The following LITAF variants were observed in gnomAD, a reference collection of about 807,000 sequenced individuals.
LITAF encodes the protein lipopolysaccharide-induced tumor necrosis factor-alpha factor.
A neutral mutation model predicts 14.5 loss-of-function variants in LITAF; 9 were observed. The observed-to-expected ratio is 0.62, with a 90% CI of 0.37 to 1.08. The LOEUF (loss-of-function observed/expected upper bound fraction) is 1.08, where lower values mean the gene tolerates loss of function less well. Among genes scored for constraint, LITAF ranks in the 50% least tolerant of loss-of-function variants. The pLI is 0.01. For missense variants in LITAF, 206 were observed against 213.4 expected, an observed-to-expected ratio of 0.97 and a Z score of 0.22; for synonymous variants, 98 against 88.2, an observed-to-expected ratio of 1.11 and a Z score of -0.62.
chr16:11,618,602 A>G (rs960573784), intron 3 of LITAF, among the ~76,000 whole-genome samples: 2 of 152,182 alleles, frequency 1.3e-5, no homozygotes, highest in African/African-American at 4.8e-5. Flanking sequence ...CTCTCTGGCC[A>G]TGGAGCCACT....
intron 3 of LITAF, among the ~76,000 whole-genome samples, chr16:11,550,217 G>A (rs565391956): frequency 2.0e-4 from 31 of 152,348 alleles, no homozygotes; most frequent in African/African-American, 6.5e-4. Flanking sequence ...AGCCTCCTGA[G>A]TAGCTGGGAT....
At chr16:11,557,712 ATG>A (rs983442462) in intron 1 of LITAF, among the ~76,000 whole-genome samples, 7 of 152,146 alleles carry the variant, frequency 4.6e-5, no homozygotes, top group African/African-American at 1.7e-4. Context: ...TGGCTTCCCA[ATG>A]TGCTGGGATT....
chr16:11,617,979 T>C (rs2065028513), intron 3 of LITAF, among the ~76,000 whole-genome samples: 2 of 151,972 alleles, frequency 1.3e-5, no homozygotes, highest in African/African-American at 4.8e-5. Flanking sequence ...CAAACGATCC[T>C]CCCACCTCAG....
Position 11,548,069 on chromosome 16 carries a change from G to A in LITAF, c.*1568C>T, listed in dbSNP as rs948373358. 5.3e-5 allele frequency: 24 copies of A among 453,916 alleles called. No individual in the cohort carries two copies. Among genetic ancestry groups the A allele is most frequent in the African/African-American group, 3.2e-4 (16 of 49,966 alleles). The allele number at this position is 453,916 out of a possible 1,614,324, so 28.1% of individuals were successfully genotyped here. A position where few individuals can be genotyped will look rare whatever the true frequency, so the allele number is the denominator to read the frequency against. ...AAAGTACTATGTGGTATCCATATTCGTTGCAAAAATGATAATTACTGGAAT... is the reference window on the plus strand; with the variant it reads ...AAAGTACTATGTGGTATCCATATTCATTGCAAAAATGATAATTACTGGAAT... On this transcript the variant is annotated 3_prime_UTR_variant, in exon 4 of 4. Transcript: ENST00000622633.
chr16:11,608,761 G>A (rs538427479), intron 3 of LITAF, among the ~76,000 whole-genome samples: 33 of 152,208 alleles, frequency 2.2e-4, no homozygotes, highest in Non-Finnish European at 3.4e-4. Context: ...TCAGGAGTTC[G>A]AGACCAGCCT....
At chr16:11,579,256 C>G (rs1201244874) in intron 1 of LITAF, among the ~76,000 whole-genome samples, 1 of 151,728 alleles carries the variant, frequency 6.6e-6, no homozygotes, top group African/African-American at 2.4e-5. Context: ...TCGAGACCAT[C>G]CTGGCTAACA....
chr16:11,611,303 C>G (rs929701971), intron 3 of LITAF, among the ~76,000 whole-genome samples: 4 of 152,238 alleles, frequency 2.6e-5, no homozygotes, highest in East Asian at 3.9e-4. Context: ...CGATCACCCC[C>G]CTACACTCCA....
intron 3 of LITAF, among the ~76,000 whole-genome samples, chr16:11,612,328 G>C (rs1029942092): frequency 6.6e-6 from 1 of 152,198 alleles, no homozygotes; most frequent in African/African-American, 2.4e-5. Flanking sequence ...TGGCTGCACC[G>C]TCCTCATCAT....
chr16:11,567,832 A>C (rs985342245), intron 1 of LITAF, among the ~76,000 whole-genome samples: 1 of 152,162 alleles, frequency 6.6e-6, no homozygotes, highest in African/African-American at 2.4e-5. Flanking sequence ...AAATACACAA[A>C]AATTAGCCAG....
chr16:11,629,973 G>C (rs2141905335), intron 3 of LITAF, among the ~76,000 whole-genome samples: 4 of 152,326 alleles, frequency 2.6e-5, no homozygotes, highest in Admixed American at 2.6e-4. Flanking sequence ...CAGTCGCCAG[G>C]TGTTGGGGAG....
chr16:11,627,581 C>A (rs540599519), intron 3 of LITAF, among the ~76,000 whole-genome samples: 2 of 152,254 alleles, frequency 1.3e-5, no homozygotes, highest in Non-Finnish European at 2.9e-5. Context: ...TGGCGGCTCA[C>A]GCCTGTAATC....
chr16:11,613,711 G>T (rs9932278), intron 3 of LITAF, among the ~76,000 whole-genome samples: 1 of 152,054 alleles, frequency 6.6e-6, no homozygotes, highest in Non-Finnish European at 1.5e-5. Context: ...GAGCACAGCC[G>T]GACGGAGGGT....
Position 11,552,007 on chromosome 16 carries a change from A to G in LITAF, c.377+1526T>C, listed in dbSNP as rs1330300871. 2.6e-5 allele frequency among the ~76,000 whole-genome samples: 4 copies of G among 152,176 alleles called. No individual in the cohort carries two copies. In the East Asian group the frequency reaches 7.7e-4, roughly 29 times the overall value. On this transcript the variant is annotated intron_variant, in intron 3 of 3. Transcript: ENST00000622633. ...AAGAGGGGGAATCAGGTGCCCAGAAAGCTGTTTTGTCTCCTTCCTTCCTTA... is the reference window on the plus strand; with the variant it reads ...AAGAGGGGGAATCAGGTGCCCAGAAGGCTGTTTTGTCTCCTTCCTTCCTTA...
chr16:11,615,808 T>TC (rs1401304111), intron 3 of LITAF, among the ~76,000 whole-genome samples: 1 of 152,190 alleles, frequency 6.6e-6, no homozygotes, highest in African/African-American at 2.4e-5. Context: ...TGGACCCTCC[T>TC]CAGTGATTAG....
chr16:11,626,223 T>C (rs1224637618), intron 3 of LITAF, among the ~76,000 whole-genome samples: 2 of 152,162 alleles, frequency 1.3e-5, no homozygotes, highest in Admixed American at 1.3e-4. Flanking sequence ...GTCAGAGTCT[T>C]GCTGGAGTGC....
At position 11,558,011 on chromosome 16, in the gene LITAF, C is replaced by A. The variant is rs1291758601; in HGVS notation, c.-5-1276G>T. ...GTTCTTTGTGTGGCTGTTTTTCTAA[C>A]TGGGCAGGGTTCAGGCTGCCTTAGA... On this transcript the variant is annotated intron_variant, in intron 1 of 3. Transcript: ENST00000622633. The surrounding 1 kb of genome is among the most constrained non-coding windows in gnomAD (Gnocchi z 4.1). Among the ~76,000 whole-genome samples, 2 of 152,144 alleles carry A rather than the reference C, an allele frequency of 1.3e-5. No homozygotes were observed. The highest frequency in any genetic ancestry group is 2.9e-5 in the Non-Finnish European group (2 of 68,036).
At chr16:11,562,316 A>G in intron 1 of LITAF, among the ~76,000 whole-genome samples, 1 of 141,876 alleles carries the variant, frequency 7.0e-6, no homozygotes, top group Non-Finnish European at 1.5e-5. Context: ...TCCGTCTCAA[A>G]AAAAAAAAAA....
intron 1 of LITAF, among the ~76,000 whole-genome samples, chr16:11,595,290 C>G (rs2064876236): frequency 6.6e-6 from 1 of 152,220 alleles, no homozygotes; most frequent in South Asian, 2.1e-4. Context: ...TGAGGTTACA[C>G]CCCCAACCCC....
intron 3 of LITAF, among the ~76,000 whole-genome samples, chr16:11,631,503 C>G (rs2065117566): frequency 6.6e-6 from 1 of 152,228 alleles, no homozygotes; most frequent in Non-Finnish European, 1.5e-5. Flanking sequence ...TTAGGTGATC[C>G]TCAGCCTTCT....
Sources: gnomAD v4.1 joint callset for allele counts (sites outside exome capture counted in the v4.1 genomes callset) on GRCh38, gnomAD v4.1.1 for gene constraint, Gnocchi (gnomAD v3.1) non-coding constraint, MANE v1.5 for transcripts, NCBI Gene and HGNC (gene_info 2026-07-23, HGNC 2026-07-21) for gene names.